The following ATXN7L1 variants were observed in gnomAD, a reference collection of about 807,000 sequenced individuals.
The protein encoded by ATXN7L1 is ataxin-7-like protein 1.
A neutral mutation model predicts 70.8 loss-of-function variants in ATXN7L1; 15 were observed. That is an observed-to-expected ratio of 0.21 (90% CI 0.14 to 0.33). The LOEUF is 0.33. Among genes scored for constraint, ATXN7L1 ranks in the 10% least tolerant of loss-of-function variants. The pLI, the probability that ATXN7L1 is intolerant of heterozygous loss-of-function variation, is 1.00. For synonymous variants in ATXN7L1, 440 were observed against 445.1 expected (o/e 0.99, Z 0.14); for missense variants, 975 against 1,097.1 (o/e 0.89, Z 1.57).
chr7:105,696,107 A>C (rs1264336129), intron 3 of ATXN7L1, among the ~76,000 whole-genome samples: 2 of 152,222 alleles, frequency 1.3e-5, no homozygotes, highest in African/African-American at 2.4e-5. Context: ...CTGAAAGTAC[A>C]ACACAAGAAA....
intron 2 of ATXN7L1, among the ~76,000 whole-genome samples, chr7:105,809,906 G>T (rs1173160050): frequency 6.6e-6 from 1 of 152,050 alleles, no homozygotes; most frequent in Non-Finnish European, 1.5e-5. Context: ...AAGTAGCTGG[G>T]ACGAAAGGCA....
At chr7:105,607,938 A>C in intron 11 of ATXN7L1, 48 bp from the exon 12 acceptor site, 1 of 1,499,880 alleles carries the variant, frequency 6.7e-7, no homozygotes, top group Non-Finnish European at 9.1e-7. Flanking sequence ...TACAGTTGAG[A>C]TTACCCATGA....
intron 3 of ATXN7L1, among the ~76,000 whole-genome samples, chr7:105,740,865 A>C (rs1011568118): frequency 8.8e-5 from 13 of 147,558 alleles, no homozygotes; most frequent in African/African-American, 3.0e-4. Context: ...CCCGGGTTCA[A>C]GCCATTCTCC....
chr7:105,820,991 C>T (rs1810055116), intron 2 of ATXN7L1, among the ~76,000 whole-genome samples: 1 of 152,194 alleles, frequency 6.6e-6, no homozygotes, highest in African/African-American at 2.4e-5. Flanking sequence ...GCCATGCTTC[C>T]TGTACAGCCT....
chr7:105,611,175 T>C (rs1584277304), intron 10 of ATXN7L1, among the ~76,000 whole-genome samples: 1 of 152,282 alleles, frequency 6.6e-6, no homozygotes, highest in South Asian at 2.1e-4. Context: ...ACAGGAACGC[T>C]ATGCATGCGG....
intron 3 of ATXN7L1, chr7:105,788,207 A>G (rs540165185): frequency 6.8e-5 from 12 of 177,538 alleles, no homozygotes; most frequent in African/African-American, 2.8e-4. Context: ...GCTTGGCCGC[A>G]GCCCTCCTTT....
At chr7:105,641,214 C>CA (rs1798161276) in intron 5 of ATXN7L1, among the ~76,000 whole-genome samples, 1 of 21,786 alleles carries the variant, frequency 4.6e-5, no homozygotes, top group Non-Finnish European at 8.6e-5. Flanking sequence ...CTCTCTCTCT[C>CA]TTTTTTTTTT....
At chr7:105,866,047 ATGCTGAACTC>A (rs1387926382) in intron 2 of ATXN7L1, among the ~76,000 whole-genome samples, 1 of 152,204 alleles carries the variant, frequency 6.6e-6, no homozygotes, top group African/African-American at 2.4e-5. Context: ...TACCCCTGGA[ATGCTGAACTC>A]ACCTGTGGTT....
intron 3 of ATXN7L1, among the ~76,000 whole-genome samples, chr7:105,779,975 A>G (rs1025867042): frequency 1.3e-5 from 2 of 152,184 alleles, no homozygotes; most frequent in African/African-American, 2.4e-5. Flanking sequence ...TGACAAAAAA[A>G]CCCAAGCCCC....
At chr7:105,745,136 G>GAAT (rs1563058623) in intron 3 of ATXN7L1, among the ~76,000 whole-genome samples, 1 of 152,116 alleles carries the variant, frequency 6.6e-6, no homozygotes, top group African/African-American at 2.4e-5. Context: ...TTATGTAAGA[G>GAAT]AATATCTTTG....
Position 105,638,546 on chromosome 7 carries a change from C to T in ATXN7L1, c.1009G>A (p.Ala337Thr), listed in dbSNP as rs1216188623. Residue 337 changes from alanine to threonine, a missense_variant, in exon 7 of 12, where the codon GCA becomes ACA. Coordinates refer to ENST00000419735, the MANE Select transcript of ATXN7L1 (RefSeq NM_020725.2). ...GRKKQFDLLL[A>T]EHKAKSREKE... ...TCCCGGGACTTTGCTTTGTGTTCTG[C>T]CAGGAGGAGGTCAAATTGCTTTTTC... The T allele has an allele frequency of 3.9e-6, 6 of 1,552,048 alleles. No individual in the cohort carries two copies. The highest frequency in any genetic ancestry group is 5.2e-6 in the Non-Finnish European group (6 of 1,147,076).
intron 3 of ATXN7L1, among the ~76,000 whole-genome samples, chr7:105,725,729 C>T (rs1229964731): frequency 6.6e-6 from 1 of 151,886 alleles, no homozygotes; most frequent in African/African-American, 2.4e-5. Flanking sequence ...TACAGGCATT[C>T]ACCACAACGC....
intron 2 of ATXN7L1, among the ~76,000 whole-genome samples, chr7:105,810,735 T>TG (rs1322766759): frequency 6.6e-6 from 1 of 152,136 alleles, no homozygotes; most frequent in Non-Finnish European, 1.5e-5. Flanking sequence ...GGGGATGGCA[T>TG]GGGGGCGGCG....
rs537821542 is a variant in ATXN7L1 at position 105,785,638 on chromosome 7, T to A, written c.355+2966A>T. On this transcript the variant is annotated intron_variant, in intron 3 of 11. Transcript: ENST00000419735. ...GCTATGGACTGAATGTTTGCGTCCCTCGCAAATTCCTATGTTGAAATCCTA... is the reference window on the plus strand; with the variant it reads ...GCTATGGACTGAATGTTTGCGTCCCACGCAAATTCCTATGTTGAAATCCTA... 1.6e-3 allele frequency among the ~76,000 whole-genome samples: 239 copies of A among 152,262 alleles called. 1 individual carries two copies. The highest frequency in any genetic ancestry group is 5.3e-3 in the African/African-American group (220 of 41,554).
chr7:105,692,419 T>TTCCTTCCCTCCCTCCCTCCCTCCC (rs1563009874), intron 3 of ATXN7L1, among the ~76,000 whole-genome samples: 5 of 122,760 alleles, frequency 4.1e-5, no homozygotes, highest in African/African-American at 1.6e-4. Flanking sequence ...CCTTCCTTCC[T>TTCCTTCCCTCCCTCCCTCCCTCCC]TCCTTCCTCC....
chr7:105,835,546 T>C (rs538475179), intron 2 of ATXN7L1, among the ~76,000 whole-genome samples: 14 of 152,182 alleles, frequency 9.2e-5, no homozygotes, highest in South Asian at 6.2e-4. Flanking sequence ...GAAATCAGCA[T>C]GTGAGTCTTT....
intron 3 of ATXN7L1, among the ~76,000 whole-genome samples, chr7:105,668,033 G>A (rs1802925302): frequency 1.3e-5 from 2 of 152,088 alleles, no homozygotes. Flanking sequence ...TGGTTTAGGT[G>A]GGGAGATAAA....
At chr7:105,734,015 C>T (rs185278231) in intron 3 of ATXN7L1, among the ~76,000 whole-genome samples, 1 of 151,920 alleles carries the variant, frequency 6.6e-6, no homozygotes, top group Non-Finnish European at 1.5e-5. Context: ...CAAATTCCAG[C>T]CACTGCATAT....
intron 4 of ATXN7L1, among the ~76,000 whole-genome samples, chr7:105,648,955 T>A (rs1799469341): frequency 7.2e-6 from 1 of 139,684 alleles, no homozygotes; most frequent in Non-Finnish European, 1.5e-5. Flanking sequence ...TGGGAGGGGG[T>A]GGTGAGTTGG....
Sources: gnomAD v4.1 joint callset for allele counts (sites outside exome capture counted in the v4.1 genomes callset) on GRCh38, gnomAD v4.1.1 for gene constraint, MANE v1.5 for transcripts, NCBI Gene and HGNC (gene_info 2026-07-23, HGNC 2026-07-21) for gene names.